The following TOLLIP variants were observed in gnomAD, a reference collection of about 807,000 sequenced individuals.
TOLLIP encodes toll interacting protein, also known as toll-interacting protein.
A neutral mutation model predicts 33.5 loss-of-function variants in TOLLIP; 16 were observed. The ratio of observed to expected loss-of-function variants is 0.48; its 90% CI spans 0.32 to 0.72. The LOEUF (loss-of-function observed/expected upper bound fraction) is 0.72. Among genes scored for constraint, TOLLIP ranks in the 30% least tolerant of loss-of-function variants. The pLI is 0.03. For synonymous variants in TOLLIP, 176 were observed against 163.7 expected (o/e 1.07, Z -0.57); for missense variants, 325 against 396.6 (o/e 0.82, Z 1.53).
At chr11:1,309,159 C>T (rs1864514507) in intron 1 of TOLLIP, among the ~76,000 whole-genome samples, 1 of 148,216 alleles carries the variant, frequency 6.7e-6, no homozygotes, top group South Asian at 2.1e-4. Context: ...CACCATGGGG[C>T]ACGGGGCCCG....
intron 3 of TOLLIP, among the ~76,000 whole-genome samples, chr11:1,289,868 G>A (rs1437738082): frequency 6.6e-6 from 1 of 150,476 alleles, no homozygotes; most frequent in African/African-American, 2.5e-5. Flanking sequence ...CTGCTGGTGA[G>A]CGGCCAGATC....
At chr11:1,299,588 C>A (rs1217475985) in intron 1 of TOLLIP, among the ~76,000 whole-genome samples, 1 of 152,130 alleles carries the variant, frequency 6.6e-6, no homozygotes, top group Non-Finnish European at 1.5e-5. Flanking sequence ...ATATGCTTTA[C>A]CCTGGTTCAA....
chr11:1,278,386 C>T lies in TOLLIP; in HGVS notation c.611-1133G>A, dbSNP rs1863380571. On this transcript the variant is annotated intron_variant, in intron 5 of 5. Transcript: ENST00000317204. The surrounding 1 kb of genome is among the most constrained non-coding windows in gnomAD (Gnocchi z 4.7). ...CTAGAGCCCCAATCTTAGGATAGGA[C>T]TTTTGTTCCTTTCTACACTTGGAGG... Among the ~76,000 whole-genome samples the T allele has an allele frequency of 6.6e-6, 1 of 152,182 alleles. No individual in the cohort carries two copies. The highest frequency in any genetic ancestry group is 6.5e-5 in the Admixed American group (1 of 15,278).
chr11:1,307,348 C>G (rs1864447077), intron 1 of TOLLIP, among the ~76,000 whole-genome samples: 1 of 152,226 alleles, frequency 6.6e-6, no homozygotes, highest in East Asian at 1.9e-4. Flanking sequence ...AACGACACCT[C>G]AGCACTTGCC....
At chr11:1,279,621 G>A (rs1863430545) in intron 5 of TOLLIP, among the ~76,000 whole-genome samples, 1 of 152,192 alleles carries the variant, frequency 6.6e-6, no homozygotes, top group Non-Finnish European at 1.5e-5. Flanking sequence ...AGCCCCACCA[G>A]CCACCTGCAC....
rs74692168 is a variant in TOLLIP, at chr11:1,287,867, T to C, written c.519+757A>G. Among the ~76,000 whole-genome samples, 291 of 74,738 alleles carry C rather than the reference T, an allele frequency of 3.9e-3. 71 individuals carry two copies. Among genetic ancestry groups the C allele is most frequent in the South Asian group, 0.018 (35 of 1,902 alleles). The allele number at this position is 74,738 out of a possible 152,430, so 49.0% of individuals were successfully genotyped here. On this transcript the variant is annotated intron_variant, in intron 4 of 5. Transcript: ENST00000317204. Reference sequence around the variant, plus strand: ...AGCCTCCCTGCCGCACCCTCTCTGCTGCAGCCTCCCTGCTGCACCCTCCCT... The same window carrying C: ...AGCCTCCCTGCCGCACCCTCTCTGCCGCAGCCTCCCTGCTGCACCCTCCCT...
In TOLLIP at chr11:1,290,519, T is replaced by G. The variant is rs534651271; in HGVS notation, c.184-110A>C. The G allele has an allele frequency of 1.4e-5, 14 of 990,176 alleles. No individual in the cohort carries two copies. The highest frequency in any genetic ancestry group is 2.1e-5 in the Non-Finnish European group (14 of 662,702). 61.3% of individuals were successfully genotyped at this position (990,176 alleles called of 1,614,324 possible). On this transcript the variant is annotated intron_variant, in intron 2 of 5. Coordinates refer to ENST00000317204, the MANE Select transcript of TOLLIP (RefSeq NM_019009.4). This position sits in a 1 kb window ranked among gnomAD's most constrained non-coding sequence, Gnocchi z 4.9. ...TTCCACGAGGCCTTTTCCTAACACA[T>G]AGACTACAGCCACTCAGAGTCGCCT... is the stretch of plus-strand genomic sequence containing the variant.
At chr11:1,289,518 G>A (rs565965293) in intron 3 of TOLLIP, among the ~76,000 whole-genome samples, 18 of 152,336 alleles carry the variant, frequency 1.2e-4, no homozygotes, top group East Asian at 3.9e-4. Flanking sequence ...ACGACCATTC[G>A]CACCACCAAG....
rs1300963538 is a variant in TOLLIP at position 1,275,013 on chromosome 11, T to C, written c.*2026A>G. 6.6e-6 allele frequency: 1 copy of C among 152,168 alleles called. No homozygotes were observed. Among genetic ancestry groups the C allele is most frequent in the Non-Finnish European group, 1.5e-5 (1 of 68,022 alleles). 9.4% of individuals were successfully genotyped at this position (152,168 alleles called of 1,614,324 possible). A position where few individuals can be genotyped will look rare whatever the true frequency, so the allele number is the denominator to read the frequency against. On this transcript the variant is annotated 3_prime_UTR_variant, in exon 6 of 6. Coordinates refer to ENST00000317204, the MANE Select transcript of TOLLIP (RefSeq NM_019009.4). ...TGAAGGAAAGAAGAATCTTATTTAA[T>C]TAAAGGCCTTGCAAAATGTGATTTG...
chr11:1,301,014 C>G (rs547999376), intron 1 of TOLLIP, among the ~76,000 whole-genome samples: 1 of 152,270 alleles, frequency 6.6e-6, no homozygotes, highest in Non-Finnish European at 1.5e-5. Flanking sequence ...CGAGTCTCAG[C>G]GCTAACGCCA....
intron 1 of TOLLIP, among the ~76,000 whole-genome samples, chr11:1,301,529 T>C (rs1159073342): frequency 6.6e-6 from 1 of 151,042 alleles, no homozygotes; most frequent in Non-Finnish European, 1.5e-5. Flanking sequence ...GAGCAAGAAA[T>C]CCAGGAGCTG....
chr11:1,302,663 C>T (rs1463894868), intron 1 of TOLLIP: 10 of 987,474 alleles, frequency 1.0e-5, no homozygotes, highest in Non-Finnish European at 1.2e-5. Context: ...CCAAAACCCA[C>T]TCCAGCCAGC....
intron 4 of TOLLIP, among the ~76,000 whole-genome samples, 198 bp from the exon 5 acceptor site, chr11:1,286,290 C>T (rs531183465): frequency 1.4e-4 from 21 of 152,344 alleles, no homozygotes; most frequent in Admixed American, 4.6e-4. Flanking sequence ...TGCACCACCT[C>T]CTCAAATCCA....
rs980742516 is a variant in TOLLIP, at chr11:1,276,806, G to A, written c.*233C>T. 1.1e-4 allele frequency: 169 copies of A among 1,525,550 alleles called. No homozygotes were observed. Among genetic ancestry groups the A allele is most frequent in the Non-Finnish European group, 1.4e-4 (157 of 1,140,630 alleles). The allele number at this position is 1,525,550 out of a possible 1,614,324, so 94.5% of individuals were successfully genotyped here. ...GCACGTCCCAGGGACAGGAGAGCGCGCTGAGACCTCCCAGCACGAGATGGG... is the reference window on the plus strand; with the variant it reads ...GCACGTCCCAGGGACAGGAGAGCGCACTGAGACCTCCCAGCACGAGATGGG... On this transcript the variant is annotated 3_prime_UTR_variant, in exon 6 of 6. Coordinates refer to ENST00000317204, the MANE Select transcript of TOLLIP (RefSeq NM_019009.4).
At chr11:1,293,790 A>C (rs1864025169) in intron 2 of TOLLIP, among the ~76,000 whole-genome samples, 1 of 152,200 alleles carries the variant, frequency 6.6e-6, no homozygotes, top group East Asian at 1.9e-4. Context: ...CCCTGCCAGG[A>C]GGTGGCGGCT....
chr11:1,306,772 T>G (rs1277419730), intron 1 of TOLLIP, among the ~76,000 whole-genome samples: 1 of 151,680 alleles, frequency 6.6e-6, no homozygotes, highest in Non-Finnish European at 1.5e-5. Flanking sequence ...AGTCCTCCTG[T>G]GCCCAGGACC....
At chr11:1,287,915 C>T (rs934112418) in intron 4 of TOLLIP, among the ~76,000 whole-genome samples, 1 of 148,430 alleles carries the variant, frequency 6.7e-6, no homozygotes, top group Non-Finnish European at 1.5e-5. Flanking sequence ...CTGCTGCACC[C>T]TCTCTGCTGT....
At chr11:1,301,178 A>G (rs1039786115) in intron 1 of TOLLIP, among the ~76,000 whole-genome samples, 1 of 152,268 alleles carries the variant, frequency 6.6e-6, no homozygotes, top group African/African-American at 2.4e-5. Flanking sequence ...TATAAACACA[A>G]TAAAAAATAT....
At chr11:1,287,857 CCCTCTCTGCTGCAG>C (rs1402426209) in intron 4 of TOLLIP, among the ~76,000 whole-genome samples, 1 of 133,688 alleles carries the variant, frequency 7.5e-6, no homozygotes, top group South Asian at 2.6e-4. Flanking sequence ...CCCTGCCGCA[CCCTCTCTGCTGCAG>C]CCTCCCTGCT....
Sources: gnomAD v4.1 joint callset for allele counts (sites outside exome capture counted in the v4.1 genomes callset) on GRCh38, gnomAD v4.1.1 for gene constraint, Gnocchi (gnomAD v3.1) non-coding constraint, MANE v1.5 for transcripts, NCBI Gene and HGNC (gene_info 2026-07-23, HGNC 2026-07-21) for gene names.